Variants in AUTS2 observed in about 807,000 individuals in gnomAD.
AUTS2 encodes the protein autism susceptibility gene 2 protein.
A neutral mutation model predicts 112.4 loss-of-function variants in AUTS2; 17 were observed. The ratio of observed to expected loss-of-function variants is 0.15; its 90% CI spans 0.10 to 0.23. AUTS2 has a LOEUF of 0.23. AUTS2 is among the 10% of genes least tolerant of loss of function. AUTS2 has a pLI of 1.00. For synonymous variants in AUTS2, 751 were observed against 702.7 expected (o/e 1.07, Z -1.09); for missense variants, 1,510 against 1,701.6 (o/e 0.89, Z 1.98).
chr7:70,516,681 G>A (rs1398016766), intron 5 of AUTS2, among the ~76,000 whole-genome samples: 1 of 152,154 alleles, frequency 6.6e-6, no homozygotes, highest in Non-Finnish European at 1.5e-5. Flanking sequence ...CACATCAGAG[G>A]CCCCTCAGGA....
At chr7:69,925,333 GT>G (rs1480847414) in intron 2 of AUTS2, among the ~76,000 whole-genome samples, 18 of 152,130 alleles carry the variant, frequency 1.2e-4, no homozygotes, top group African/African-American at 3.9e-4. Context: ...TAGGAGCTGA[GT>G]TTGTTGATTT....
intron 1 of AUTS2, among the ~76,000 whole-genome samples, chr7:69,893,508 G>A (rs1794612645): frequency 6.6e-6 from 1 of 152,122 alleles, no homozygotes; most frequent in Non-Finnish European, 1.5e-5. Flanking sequence ...TTGGGGACAG[G>A]CAAAGCACTT....
chr7:70,448,279 T>A (rs551108752), intron 5 of AUTS2, among the ~76,000 whole-genome samples: 3 of 152,228 alleles, frequency 2.0e-5, no homozygotes, highest in African/African-American at 7.2e-5. Context: ...CCTGTGTACA[T>A]GATAGGGTTG....
At chr7:70,684,166 A>G (rs908074717) in intron 5 of AUTS2, among the ~76,000 whole-genome samples, 1 of 152,080 alleles carries the variant, frequency 6.6e-6, no homozygotes, top group Non-Finnish European at 1.5e-5. Flanking sequence ...AGATCATTGT[A>G]TATTAGCATA....
At chr7:70,430,984 C>T (rs1175436674) in intron 4 of AUTS2, among the ~76,000 whole-genome samples, 3 of 151,772 alleles carry the variant, frequency 2.0e-5, no homozygotes, top group Non-Finnish European at 4.4e-5. Flanking sequence ...TACAGGCGCC[C>T]GCCAGCACGC....
At chr7:69,645,540 T>C (rs1794985674) in intron 1 of AUTS2, among the ~76,000 whole-genome samples, 2 of 152,230 alleles carry the variant, frequency 1.3e-5, no homozygotes, top group South Asian at 4.1e-4. Flanking sequence ...TTCAGTAATT[T>C]TGTTGAAAAC....
At chr7:69,990,529 G>C (rs975212736) in intron 2 of AUTS2, among the ~76,000 whole-genome samples, 1 of 152,178 alleles carries the variant, frequency 6.6e-6, no homozygotes, top group Non-Finnish European at 1.5e-5. Flanking sequence ...GTGTGTTTGT[G>C]TGTGTGTATG....
At chr7:69,915,360 A>T (rs1453159124) in intron 2 of AUTS2, among the ~76,000 whole-genome samples, 1 of 152,168 alleles carries the variant, frequency 6.6e-6, no homozygotes, top group African/African-American at 2.4e-5. Flanking sequence ...TTGGCTGCTT[A>T]TTTTTAAAAA....
intron 5 of AUTS2, among the ~76,000 whole-genome samples, chr7:70,452,201 C>G (rs1287673726): frequency 6.6e-6 from 1 of 152,044 alleles, no homozygotes; most frequent in African/African-American, 2.4e-5. Context: ...AGTAACTACT[C>G]AGGTCAGGCA....
chr7:70,231,305 C>T (rs1469726943), intron 4 of AUTS2, among the ~76,000 whole-genome samples: 1 of 152,188 alleles, frequency 6.6e-6, no homozygotes, highest in African/African-American at 2.4e-5. Context: ...TCGTAATCAC[C>T]ACCCAGATTA....
chr7:69,938,128 G>A (rs1386757908), intron 2 of AUTS2, among the ~76,000 whole-genome samples: 1 of 152,202 alleles, frequency 6.6e-6, no homozygotes, highest in Non-Finnish European at 1.5e-5. Context: ...TCATGCATCT[G>A]TAATGACTGC....
intron 5 of AUTS2, among the ~76,000 whole-genome samples, chr7:70,685,333 C>T (rs1259080172): frequency 6.6e-6 from 1 of 151,844 alleles, no homozygotes; most frequent in Non-Finnish European, 1.5e-5. Context: ...ATTAGCCAGG[C>T]ATGGTGATGC....
chr7:69,674,046 G>A (rs569712756), intron 1 of AUTS2, among the ~76,000 whole-genome samples: 1 of 152,302 alleles, frequency 6.6e-6, no homozygotes, highest in South Asian at 2.1e-4. Context: ...GCACCAGGAA[G>A]TCTTGCTCCT....
intron 4 of AUTS2, among the ~76,000 whole-genome samples, chr7:70,408,424 A>T (rs1794634048): frequency 6.6e-6 from 1 of 152,310 alleles, no homozygotes; most frequent in East Asian, 1.9e-4. Flanking sequence ...CTCTGCCTGT[A>T]AGAGGGCACA....
intron 3 of AUTS2, among the ~76,000 whole-genome samples, chr7:70,132,404 G>A (rs559154093): frequency 3.9e-5 from 6 of 152,124 alleles, no homozygotes; most frequent in South Asian, 2.1e-4. Flanking sequence ...TTAATTCCTC[G>A]GCAGTGCAAT....
At chr7:70,511,287 A>C (rs1173496995) in intron 5 of AUTS2, among the ~76,000 whole-genome samples, 4 of 152,154 alleles carry the variant, frequency 2.6e-5, no homozygotes, top group Non-Finnish European at 4.4e-5. Flanking sequence ...CAAACATCAG[A>C]TTTCCAGACG....
chr7:70,524,949 T>C (rs1198934958), intron 5 of AUTS2, among the ~76,000 whole-genome samples: 1 of 152,116 alleles, frequency 6.6e-6, no homozygotes, highest in African/African-American at 2.4e-5. Flanking sequence ...TGGGGAAGGA[T>C]CTAATAAGTG....
At chr7:70,441,908 C>G (rs555091134) in intron 5 of AUTS2, among the ~76,000 whole-genome samples, 1 of 152,134 alleles carries the variant, frequency 6.6e-6, no homozygotes, top group South Asian at 2.1e-4. Flanking sequence ...TGGAAGAGTC[C>G]CATCCCTTGG....
At chr7:70,520,272 A>C (rs1289895894) in intron 5 of AUTS2, among the ~76,000 whole-genome samples, 1 of 152,210 alleles carries the variant, frequency 6.6e-6, no homozygotes, top group Admixed American at 6.5e-5. Context: ...AAAGTCCTGC[A>C]TGACCCCAGA....
Sources: allele counts gnomAD v4.1 joint callset (sites outside exome capture counted in the v4.1 genomes callset), GRCh38; gene constraint gnomAD v4.1.1; transcripts MANE v1.5; gene names NCBI Gene and HGNC (gene_info 2026-07-23, HGNC 2026-07-21).